Variants in DCAF8L2 observed in about 807,000 individuals in gnomAD.
The protein encoded by DCAF8L2 is DDB1 and CUL4 associated factor 8 like 2, also known as DDB1- and CUL4-associated factor 8-like protein 2.
For synonymous variants in DCAF8L2, 200 were observed against 190.9 expected (o/e 1.05, Z -0.39); for missense variants, 430 against 490.7 (o/e 0.88, Z 1.17).
the DCAF8L2 span, among the ~76,000 whole-genome samples, chrX:27,497,497 A>ATTCT: frequency 0.041 from 2,628 of 64,658 alleles, 121 homozygotes; most frequent in Non-Finnish European, 0.05. Flanking sequence ...AAACACCATT[A>ATTCT]TTCTTTCTTT....
chrX:27,518,403 G>T, the DCAF8L2 span: 1 of 649,980 alleles, frequency 1.5e-6, no homozygotes, highest in Non-Finnish European at 2.6e-6. Flanking sequence ...CCTGAAGGTT[G>T]CACAAGATCT....
rs1198343751 is a variant in DCAF8L2, at chrX:27,747,112, T to C, written c.217T>C (p.Ser73Pro). ...CGATGCCAGCACAGAAAATCGAAGC[T>C]CAGACCAAGAAAGCGCAAGTGAAGA... The part of the protein sequence containing the change: ...PNDASTENRS[S>P]DQESASEDIE... Residue 73 changes from serine (S) to proline (P), a missense_variant, in exon 5 of 5, where the codon TCA (serine) becomes CCA (proline). By Grantham distance (74) the Ser-to-Pro change is moderately conservative. Transcript: ENST00000451261. The C allele has an allele frequency of 8.6e-7, 1 of 1,165,707 alleles. No individual in the cohort carries two copies. Among genetic ancestry groups the C allele is most frequent in the Non-Finnish European group, 1.1e-6 (1 of 872,739 alleles).
chrX:27,474,597 G>C, the DCAF8L2 span, among the ~76,000 whole-genome samples: 1 of 112,044 alleles, frequency 8.9e-6, no homozygotes, highest in African/African-American at 3.2e-5. Context: ...ATTAGAAGAG[G>C]TAACAGGTAT....
intron 4 of DCAF8L2, among the ~76,000 whole-genome samples, chrX:27,734,021 TAGA>T (rs1227536647): frequency 9.0e-5 from 10 of 110,867 alleles, no homozygotes; most frequent in African/African-American, 2.6e-4. Context: ...AAAATAGGTA[TAGA>T]AGGAGATTTT....
intron 1 of DCAF8L2, among the ~76,000 whole-genome samples, chrX:27,598,379 C>T (rs1926462091): frequency 8.9e-6 from 1 of 111,964 alleles, no homozygotes; most frequent in Non-Finnish European, 1.9e-5. Flanking sequence ...GGGGATGGGG[C>T]GGGTTAAGAG....
chrX:27,722,221 A>C (rs1023446892), intron 4 of DCAF8L2, among the ~76,000 whole-genome samples: 3 of 111,865 alleles, frequency 2.7e-5, no homozygotes, highest in Non-Finnish European at 5.7e-5. Context: ...AAGAAAACAA[A>C]ATAAAAATAC....
chrX:27,628,829 T>G (rs753430013), intron 1 of DCAF8L2, among the ~76,000 whole-genome samples: 157 of 110,759 alleles, frequency 1.4e-3, no homozygotes, highest in African/African-American at 4.7e-3. Flanking sequence ...GGTCTCGATC[T>G]CCTGACCTCT....
intron 1 of DCAF8L2, among the ~76,000 whole-genome samples, chrX:27,614,372 T>A (rs1320333084): frequency 9.0e-6 from 1 of 111,604 alleles, no homozygotes; most frequent in Non-Finnish European, 1.9e-5. Context: ...ACTAGCGGTC[T>A]ATCAATTTTG....
chrX:27,711,517 G>A (rs1335956708), intron 3 of DCAF8L2, among the ~76,000 whole-genome samples: 1 of 108,379 alleles, frequency 9.2e-6, no homozygotes, highest in African/African-American at 3.4e-5. Flanking sequence ...AACTATGTGA[G>A]ATGATGGATA....
chrX:27,470,495 T>C, the DCAF8L2 span, among the ~76,000 whole-genome samples: 2 of 112,278 alleles, frequency 1.8e-5, no homozygotes, highest in Non-Finnish European at 3.8e-5. Context: ...CTGAGTTTGA[T>C]CCGTTGATGC....
chrX:27,731,235 C>T (rs1481099493), intron 4 of DCAF8L2, among the ~76,000 whole-genome samples: 3 of 109,129 alleles, frequency 2.7e-5, no homozygotes, highest in African/African-American at 1.0e-4. Context: ...GAAACCCTGT[C>T]TCTACTTAAA....
intron 3 of DCAF8L2, among the ~76,000 whole-genome samples, chrX:27,686,231 A>T (rs1054442218): frequency 9.0e-6 from 1 of 111,070 alleles, no homozygotes; most frequent in African/African-American, 3.3e-5. Context: ...TTCCACTACT[A>T]GTTATATATC....
At chrX:27,565,707 C>G in the DCAF8L2 span, among the ~76,000 whole-genome samples, 2 of 111,564 alleles carry the variant, frequency 1.8e-5, no homozygotes, top group African/African-American at 3.3e-5. Flanking sequence ...ACCTGAAGCT[C>G]TTTGTCTCAC....
At chrX:27,475,131 G>A in the DCAF8L2 span, among the ~76,000 whole-genome samples, 1 of 110,837 alleles carries the variant, frequency 9.0e-6, no homozygotes, top group African/African-American at 3.3e-5. Context: ...TTATAGCTTG[G>A]GGCCAGAGTC....
intron 3 of DCAF8L2, among the ~76,000 whole-genome samples, chrX:27,686,096 GAGGATGCAGACAA>G (rs1466926032): frequency 1.8e-5 from 2 of 111,469 alleles, no homozygotes; most frequent in Non-Finnish European, 3.8e-5. Context: ...AGATGCTGGT[GAGGATGCAGACAA>G]AGGGAAACTT....
the DCAF8L2 span, among the ~76,000 whole-genome samples, chrX:27,501,536 T>A: frequency 9.0e-6 from 1 of 111,274 alleles, no homozygotes; most frequent in East Asian, 2.8e-4. Flanking sequence ...TGCTGACCAT[T>A]GAGGTGTCTG....
At chrX:27,632,373 G>A (rs1383291937) in intron 2 of DCAF8L2, 1 of 111,138 alleles carries the variant, frequency 9.0e-6, no homozygotes, top group Non-Finnish European at 1.9e-5. Flanking sequence ...ATCACGTCAT[G>A]TCTCTGCTCA....
chrX:27,689,250 G>A (rs2076340160), intron 3 of DCAF8L2, among the ~76,000 whole-genome samples: 1 of 112,008 alleles, frequency 8.9e-6, no homozygotes, highest in Non-Finnish European at 1.9e-5. Flanking sequence ...TTGATTGATT[G>A]ATTGATTTTT....
At chrX:27,575,404 G>A in the DCAF8L2 span, among the ~76,000 whole-genome samples, 4 of 111,153 alleles carry the variant, frequency 3.6e-5, no homozygotes, top group Non-Finnish European at 5.7e-5. Context: ...ATTTGGGCTC[G>A]AAAGTAGGAG....
Sources: allele counts gnomAD v4.1 joint callset (sites outside exome capture counted in the v4.1 genomes callset), GRCh38; gene constraint gnomAD v4.1.1; transcripts MANE v1.5; gene names NCBI Gene and HGNC (gene_info 2026-07-23, HGNC 2026-07-21).